ARHGAP42: variants seen among roughly 807,000 people sequenced by gnomAD.
The protein encoded by ARHGAP42 is Rho GTPase activating protein 42, also known as rho GTPase-activating protein 42.
ARHGAP42 carries 63 observed loss-of-function variants against 125.0 expected under a neutral mutation model. That is an observed-to-expected ratio of 0.50 (90% CI 0.41 to 0.62). ARHGAP42 has a LOEUF of 0.62. Among genes scored for constraint, ARHGAP42 ranks in the 20% least tolerant of loss-of-function variants. ARHGAP42 has a pLI of 0.00. For synonymous variants in ARHGAP42, 339 were observed against 351.0 expected (o/e 0.97, Z 0.38); for missense variants, 766 against 1,024.2 (o/e 0.75, Z 3.44).
chr11:100,716,582 G>C (rs1861664433), intron 1 of ARHGAP42, among the ~76,000 whole-genome samples: 1 of 151,532 alleles, frequency 6.6e-6, no homozygotes, highest in African/African-American at 2.4e-5. Flanking sequence ...CTGTATTTTT[G>C]TGGTTTTATA....
chr11:100,975,902 G>A (rs1341258846), intron 19 of ARHGAP42, among the ~76,000 whole-genome samples, 155 bp from the exon 20 acceptor site: 3 of 152,156 alleles, frequency 2.0e-5, no homozygotes, highest in Non-Finnish European at 4.4e-5. Flanking sequence ...CTCCAGTACT[G>A]AGGACAGTTC....
At chr11:100,908,971 T>C (rs1313818106) in intron 4 of ARHGAP42, among the ~76,000 whole-genome samples, 1 of 152,224 alleles carries the variant, frequency 6.6e-6, no homozygotes, top group Non-Finnish European at 1.5e-5. Flanking sequence ...TTTGCATTTC[T>C]CTGATGATTA....
intron 1 of ARHGAP42, among the ~76,000 whole-genome samples, chr11:100,702,448 A>C (rs1008170804): frequency 2.0e-5 from 3 of 152,080 alleles, no homozygotes; most frequent in African/African-American, 7.2e-5. Flanking sequence ...ATAATGAAGA[A>C]ATTGTAATAT....
At chr11:100,821,138 A>T (rs909635067) in intron 3 of ARHGAP42, among the ~76,000 whole-genome samples, 1 of 152,064 alleles carries the variant, frequency 6.6e-6, no homozygotes, top group Non-Finnish European at 1.5e-5. Flanking sequence ...AATTGTGATG[A>T]GCTCCCTGTA....
intron 1 of ARHGAP42, among the ~76,000 whole-genome samples, chr11:100,734,664 A>G (rs997530270): frequency 3.3e-5 from 5 of 152,142 alleles, no homozygotes; most frequent in South Asian, 4.1e-4. Flanking sequence ...AGCTAAGACA[A>G]TTTTTTAATT....
In ARHGAP42 at chr11:100,787,443, C is replaced by A. The variant is rs537459341; in HGVS notation, c.251-7662C>A. On this transcript the variant is annotated intron_variant, in intron 2 of 23. Transcript: ENST00000298815. ...TTAAACCTCTTTTGTTTATAAATTA[C>A]CCAGTCTCATGTAGTTCTTTATAGC... 2.6e-5 allele frequency among the ~76,000 whole-genome samples: 4 copies of A among 152,256 alleles called. No individual in the cohort carries two copies. In the South Asian group the frequency reaches 8.3e-4, roughly 32 times the overall value.
At chr11:100,920,457 C>T (rs1314166983) in intron 5 of ARHGAP42, among the ~76,000 whole-genome samples, 1 of 152,010 alleles carries the variant, frequency 6.6e-6, no homozygotes, top group Non-Finnish European at 1.5e-5. Context: ...GTGAAACCAC[C>T]ATTATAAATG....
intron 17 of ARHGAP42, among the ~76,000 whole-genome samples, chr11:100,970,663 T>C (rs1050663883): frequency 6.6e-6 from 1 of 152,144 alleles, no homozygotes; most frequent in African/African-American, 2.4e-5. Context: ...TTATTTCTTA[T>C]GATTTAGCGA....
At chr11:100,943,625 A>G (rs1053222134) in intron 9 of ARHGAP42, 134 bp from the exon 10 acceptor site, 15 of 520,198 alleles carry the variant, frequency 2.9e-5, no homozygotes, top group Non-Finnish European at 4.6e-5. Context: ...ATAAAAAAAG[A>G]CAGGGTATGA....
At chr11:100,747,743 A>G (rs949952930) in intron 1 of ARHGAP42, among the ~76,000 whole-genome samples, 3 of 152,222 alleles carry the variant, frequency 2.0e-5, no homozygotes, top group African/African-American at 7.2e-5. Flanking sequence ...CACCTTGCAC[A>G]TAAACTGTTT....
intron 4 of ARHGAP42, among the ~76,000 whole-genome samples, chr11:100,885,595 A>G (rs535999657): frequency 6.6e-6 from 1 of 152,352 alleles, no homozygotes; most frequent in East Asian, 1.9e-4. Context: ...TCTAATTCAT[A>G]AAGAGATTTT....
chr11:100,846,671 C>G (rs1482650913), intron 3 of ARHGAP42, among the ~76,000 whole-genome samples: 1 of 152,136 alleles, frequency 6.6e-6, no homozygotes, highest in Non-Finnish European at 1.5e-5. Flanking sequence ...GGAAGACACA[C>G]TGTGCACACT....
At chr11:100,823,622 G>A (rs536550385) in intron 3 of ARHGAP42, among the ~76,000 whole-genome samples, 3 of 152,236 alleles carry the variant, frequency 2.0e-5, no homozygotes, top group Non-Finnish European at 2.9e-5. Context: ...AGTATTACTA[G>A]AGGGAATATT....
intron 1 of ARHGAP42, among the ~76,000 whole-genome samples, chr11:100,729,200 T>A (rs1052483261): frequency 2.6e-5 from 4 of 152,098 alleles, no homozygotes; most frequent in Non-Finnish European, 5.9e-5. Flanking sequence ...TATTTGTTTA[T>A]TTAATTAGTA....
intron 1 of ARHGAP42, among the ~76,000 whole-genome samples, chr11:100,699,544 T>C (rs1272848132): frequency 3.6e-4 from 40 of 110,576 alleles, no homozygotes; most frequent in African/African-American, 1.3e-3. Context: ...TTTTTTGAGA[T>C]GGAGTTTCAC....
At chr11:100,804,758 C>T (rs753896990) in intron 3 of ARHGAP42, among the ~76,000 whole-genome samples, 23 of 152,026 alleles carry the variant, frequency 1.5e-4, no homozygotes, top group Non-Finnish European at 2.6e-4. Context: ...GTGATCCACC[C>T]GCCTTGGCCT....
intron 12 of ARHGAP42, among the ~76,000 whole-genome samples, chr11:100,958,020 G>A (rs1857849344): frequency 6.6e-6 from 1 of 151,966 alleles, no homozygotes; most frequent in East Asian, 1.9e-4. Context: ...ATAGAACAAT[G>A]TGACCTCTAG....
At chr11:100,724,923 T>G (rs1261972801) in intron 1 of ARHGAP42, among the ~76,000 whole-genome samples, 2 of 152,088 alleles carry the variant, frequency 1.3e-5, no homozygotes, top group East Asian at 3.9e-4. Flanking sequence ...ATTAATGCTT[T>G]TAGACCTTTC....
chr11:100,926,054 A>C (rs1867412880), intron 6 of ARHGAP42, among the ~76,000 whole-genome samples: 1 of 152,182 alleles, frequency 6.6e-6, no homozygotes, highest in African/African-American at 2.4e-5. Flanking sequence ...GGGGTCTCAG[A>C]AGAATTTCAT....
Sources: allele counts gnomAD v4.1 joint callset (sites outside exome capture counted in the v4.1 genomes callset), GRCh38; gene constraint gnomAD v4.1.1; transcripts MANE v1.5; gene names NCBI Gene and HGNC (gene_info 2026-07-23, HGNC 2026-07-21).